The following FAM234A variants were observed in gnomAD, a reference collection of about 807,000 sequenced individuals.
The protein encoded by FAM234A is protein FAM234A.
A neutral mutation model predicts 49.1 loss-of-function variants in FAM234A; 42 were observed. The observed-to-expected ratio is 0.86, with a 90% CI of 0.67 to 1.11. The LOEUF (loss-of-function observed/expected upper bound fraction) is 1.11, where lower values mean the gene tolerates loss of function less well. Among genes scored for constraint, FAM234A ranks in the 50% least tolerant of loss-of-function variants. The probability of loss-of-function intolerance (pLI) is 0.00; values close to 1 mark genes in which losing one functional copy is unlikely to be tolerated. For missense variants in FAM234A, 815 were observed against 745.2 expected (o/e 1.09, Z -1.09); for synonymous variants, 369 against 316.2 (o/e 1.17, Z -1.77).
At chr16:243,446 G>T (rs1406705908) in intron 1 of FAM234A, among the ~76,000 whole-genome samples, 3 of 152,176 alleles carry the variant, frequency 2.0e-5, no homozygotes, top group African/African-American at 7.2e-5. Flanking sequence ...TTCTCTGCCA[G>T]TCAGGTTCCT....
chr16:264,004 C>T lies in FAM234A; in HGVS notation c.1189-12C>T, dbSNP rs371900572. The T allele has an allele frequency of 5.6e-6, 9 of 1,607,246 alleles. No homozygotes were observed. Among genetic ancestry groups the T allele is most frequent in the South Asian group, 5.5e-5 (5 of 90,668 alleles). ...CCCACGTTGGCCCCCACAGTGTCCC[C>T]TCCCTCCCCAGATCCTGTTTCTGGA... On this transcript the variant is annotated splice_polypyrimidine_tract_variant and intron_variant, in intron 10 of 12. Coordinates refer to ENST00000399932, the MANE Select transcript of FAM234A (RefSeq NM_032039.4).
intron 4 of FAM234A, 72 bp from the exon 5 acceptor site, chr16:259,897 G>A: frequency 7.2e-7 from 1 of 1,381,800 alleles, no homozygotes; most frequent in South Asian, 1.2e-5. Context: ...ACCTGGAACA[G>A]CACATGCTGG....
intron 1 of FAM234A, among the ~76,000 whole-genome samples, chr16:243,735 G>C (rs1262245810): frequency 1.3e-5 from 2 of 152,134 alleles, no homozygotes; most frequent in Non-Finnish European, 2.9e-5. Flanking sequence ...CCAAAGACAG[G>C]CCTTATTCGT....
Position 261,448 on chromosome 16 carries a change from G to A in FAM234A, c.642G>A (p.Leu214=). 3.1e-6 allele frequency: 5 copies of A among 1,613,600 alleles called. No individual in the cohort carries two copies. The highest frequency in any genetic ancestry group is 3.4e-6 in the Non-Finnish European group (4 of 1,179,910). ...SGNASILSPL[L]QVPDVDGDGA... ...ATGCGTCCATCCTGAGCCCTCTGCTGCAGGTGCCTGATGTGGACGGCGATG... is the reference window on the plus strand; with the variant it reads ...ATGCGTCCATCCTGAGCCCTCTGCTACAGGTGCCTGATGTGGACGGCGATG... The change falls in exon 6 of 13, where the codon CTG becomes CTA. Residue 214 remains leucine (L), a synonymous_variant. Transcript: ENST00000399932.
chr16:247,722 C>T (rs1227948363), intron 1 of FAM234A, among the ~76,000 whole-genome samples: 2 of 152,072 alleles, frequency 1.3e-5, no homozygotes, highest in African/African-American at 4.8e-5. Flanking sequence ...CGTGAGCCAC[C>T]GCGCCTGGCC....
downstream of FAM234A, chr16:269,528 C>T (rs367747092): frequency 6.2e-7 from 1 of 1,613,240 alleles, no homozygotes; most frequent in African/African-American, 1.3e-5. Flanking sequence ...AGCGGGATCC[C>T]AGCCTCTGCC....
intron 1 of FAM234A, among the ~76,000 whole-genome samples, chr16:236,001 A>G (rs533614130): frequency 3.2e-4 from 48 of 151,848 alleles, no homozygotes; most frequent in Non-Finnish European, 5.9e-4. Context: ...AAAAATAAAA[A>G]AATTAGCTGC....
rs201735340 is a variant in FAM234A at position 260,019 on chromosome 16, A to T, written c.436A>T (p.Ser146Cys). 1.2e-3 allele frequency: 1,904 copies of T among 1,613,660 alleles called. 1 individual carries two copies. The highest frequency in any genetic ancestry group is 1.4e-3 in the Non-Finnish European group (1,690 of 1,180,006). Residue 146 changes from serine to cysteine, a missense_variant, in exon 5 of 13, where the codon AGC becomes TGC. Physicochemically the swap from Ser to Cys is moderately radical, Grantham distance 112. Transcript: ENST00000399932. The stretch of plus-strand genomic sequence containing the variant: ...AGCTGCTGTGTCGGGGGCCAACGGC[A>T]GCACGCTCTGGGAGAGACCTGTGGC... ...FAAAVSGANG[S>C]TLWERPVAQD...
At chr16:240,459 C>T (rs1483877287) in intron 1 of FAM234A, among the ~76,000 whole-genome samples, 1 of 150,696 alleles carries the variant, frequency 6.6e-6, no homozygotes, top group African/African-American at 2.4e-5. Flanking sequence ...CAGTGGGGGT[C>T]ACCCCAAACT....
chr16:268,307 T>A (rs1160207563), downstream of FAM234A: 1 of 238,668 alleles, frequency 4.2e-6, no homozygotes, highest in Non-Finnish European at 8.4e-6. Flanking sequence ...CACAGCAGGA[T>A]GGGCTCAGAG....
At position 254,360 on chromosome 16, in the gene FAM234A, C is replaced by T. The variant is rs911602111; in HGVS notation, c.-33-21C>T. On this transcript the variant is annotated intron_variant, in intron 2 of 12. Transcript: ENST00000399932. ...GCCGTGGGACTGCTGGCCTCGCCGA[C>T]CTCTTGCTTTATCGACACAGTGACC... 3 of 1,600,158 alleles carry T rather than the reference C, an allele frequency of 1.9e-6. No homozygotes were observed. In the African/African-American group the frequency reaches 4.0e-5, roughly 21 times the overall value.
At position 254,374 on chromosome 16, in the gene FAM234A, G is replaced by T; in HGVS notation, c.-33-7G>T. 2.5e-6 allele frequency: 4 copies of T among 1,607,544 alleles called. No individual in the cohort carries two copies. The highest frequency in any genetic ancestry group is 2.2e-5 in the South Asian group (2 of 90,434). Reference sequence around the variant, plus strand: ...GGCCTCGCCGACCTCTTGCTTTATCGACACAGTGACCAGGAGTTAAACTTT... The same window carrying T: ...GGCCTCGCCGACCTCTTGCTTTATCTACACAGTGACCAGGAGTTAAACTTT... On this transcript the variant is annotated splice_polypyrimidine_tract_variant and splice_region_variant and intron_variant, in intron 2 of 12. Coordinates refer to ENST00000399932, the MANE Select transcript of FAM234A (RefSeq NM_032039.4).
chr16:236,420 C>T (rs955799678), intron 1 of FAM234A, among the ~76,000 whole-genome samples: 1 of 151,286 alleles, frequency 6.6e-6, no homozygotes, highest in Non-Finnish European at 1.5e-5. Context: ...GTCAAGAGAT[C>T]GAGACCATCC....
In FAM234A at chr16:265,806, T is replaced by A. The variant is rs1242530340; in HGVS notation, c.*784T>A. On this transcript the variant is annotated 3_prime_UTR_variant, in exon 13 of 13. Coordinates refer to ENST00000399932, the MANE Select transcript of FAM234A (RefSeq NM_032039.4). The stretch of plus-strand genomic sequence containing the variant: ...GCTGTGGAATGCGTGTTTGGGTCAG[T>A]CTGTGCCCTCTCAGTAGACACTGGA... The A allele has an allele frequency of 1.0e-6, 1 of 985,600 alleles. No individual in the cohort carries two copies. The highest frequency in any genetic ancestry group is 1.7e-5 in the African/African-American group (1 of 57,214). 61.1% of individuals were successfully genotyped at this position (985,600 alleles called of 1,614,324 possible).
rs753260806 is a variant in FAM234A, at chr16:260,069, T to C, written c.486T>C (p.Cys162=). Residue 162 remains cysteine, a synonymous_variant, in exon 5 of 13, where the codon TGT becomes TGC. Coordinates refer to ENST00000399932, the MANE Select transcript of FAM234A (RefSeq NM_032039.4). Reference sequence around the variant, plus strand: ...CCCAAGACGTGGCCCTCGTGGAGTGTGCTGTGCCCCAGCCAAGAGGCAGTG... The same window carrying C: ...CCCAAGACGTGGCCCTCGTGGAGTGCGCTGTGCCCCAGCCAAGAGGCAGTG... ...PVAQDVALVE[C]AVPQPRGSEA... is the part of the protein sequence containing the mutation. The C allele has an allele frequency of 1.9e-6, 3 of 1,613,786 alleles. No individual in the cohort carries two copies. The East Asian group carries it at 6.7e-5, about 36-fold the overall frequency.
At chr16:263,957 C>A in intron 10 of FAM234A, 59 bp from the exon 11 acceptor site, 2 of 1,560,718 alleles carry the variant, frequency 1.3e-6, no homozygotes, top group Admixed American at 1.7e-5. Context: ...CCTGTGCAAG[C>A]CTCGAGCTTT....
At chr16:254,026 T>G (rs2051126505) in intron 2 of FAM234A, 1 of 234,746 alleles carries the variant, frequency 4.3e-6, no homozygotes, top group Non-Finnish European at 8.4e-6. Context: ...GGAAGGTGGC[T>G]CAGATATGCT....
At position 262,353 on chromosome 16, in the gene FAM234A, G is replaced by A; in HGVS notation, c.842-71G>A. The A allele has an allele frequency of 5.1e-6, 8 of 1,556,760 alleles. No homozygotes were observed. In the South Asian group the frequency reaches 9.7e-5, roughly 19 times the overall value. On this transcript the variant is annotated intron_variant, in intron 7 of 12. Coordinates refer to ENST00000399932, the MANE Select transcript of FAM234A (RefSeq NM_032039.4). ...AAGCCCAGGGGCCTGGCTCCATGTG[G>A]CACTGCGTGCCCCTGGTCCGGGTTC...
chr16:255,616 TC>T lies in FAM234A; in HGVS notation c.268+938del, dbSNP rs200251457. On this transcript the variant is annotated intron_variant, in intron 3 of 12. Transcript: ENST00000399932. ...CATTATCTTTGCCATCACTCCCTGT[TC>T]CCTCCTCTCCTAGCCCTGGGCAACC... is the stretch of plus-strand genomic sequence containing the variant. Among the ~76,000 whole-genome samples, 87 of 152,298 alleles carry T rather than the reference TC, an allele frequency of 5.7e-4. 1 individual carries two copies. In the East Asian group the frequency reaches 0.01, roughly 18 times the overall value.
Sources: allele counts gnomAD v4.1 joint callset (sites outside exome capture counted in the v4.1 genomes callset), GRCh38; gene constraint gnomAD v4.1.1; transcripts MANE v1.5; gene names NCBI Gene and HGNC (gene_info 2026-07-23, HGNC 2026-07-21).